OPHN1: variants seen among roughly 807,000 people sequenced by gnomAD.
OPHN1 encodes the protein oligophrenin-1.
OPHN1 carries 11 observed loss-of-function variants against 60.7 expected under a neutral mutation model. The ratio of observed to expected loss-of-function variants is 0.18; its 90% CI spans 0.11 to 0.30. The LOEUF (loss-of-function observed/expected upper bound fraction) is 0.30, where lower values mean the gene tolerates loss of function less well. Ranked by LOEUF, OPHN1 falls within the 10% of genes least tolerant of loss-of-function variation. The pLI, the probability that OPHN1 is intolerant of heterozygous loss-of-function variation, is 1.00. For synonymous variants in OPHN1, 226 were observed against 222.6 expected (o/e 1.02, Z -0.14); for missense variants, 449 against 611.0 (o/e 0.73, Z 2.80).
intron 3 of OPHN1, among the ~76,000 whole-genome samples, chrX:68,294,473 CAAAAAAAAAAAAAAAA>C (rs570989143): frequency 4.7e-4 from 5 of 10,644 alleles, no homozygotes; most frequent in Non-Finnish European, 1.1e-3. Flanking sequence ...GACTCTATCA[CAAAAAAAAAAAAAAAA>C]AAAAAAAAAA....
At chrX:68,064,508 T>A (rs1163804493) in intron 20 of OPHN1, among the ~76,000 whole-genome samples, 1 of 112,531 alleles carries the variant, frequency 8.9e-6, no homozygotes, top group Admixed American at 9.4e-5. Context: ...CATATTCTAT[T>A]CTTTGCAAAT....
chrX:68,287,236 GAGGGA>G (rs1162511676), intron 3 of OPHN1, among the ~76,000 whole-genome samples: 82 of 97,235 alleles, frequency 8.4e-4, no homozygotes, highest in African/African-American at 2.7e-3. Context: ...AAGAAGGAAG[GAGGGA>G]AGGGAAGGGA....
At chrX:68,130,656 T>C (rs2077190480) in intron 15 of OPHN1, among the ~76,000 whole-genome samples, 1 of 110,759 alleles carries the variant, frequency 9.0e-6, no homozygotes, top group Non-Finnish European at 1.9e-5. Context: ...CAAAACAATA[T>C]AGAGCCACCA....
chrX:68,084,978 T>C (rs2076989926), intron 19 of OPHN1, among the ~76,000 whole-genome samples: 1 of 112,589 alleles, frequency 8.9e-6, no homozygotes, highest in African/African-American at 3.2e-5. Context: ...TGCAACATCC[T>C]TCCCAAAGCT....
At chrX:68,106,091 GAGAGAGAGAGAGA>G (rs1350658200) in intron 18 of OPHN1, among the ~76,000 whole-genome samples, 2 of 90,968 alleles carry the variant, frequency 2.2e-5, no homozygotes, top group African/African-American at 9.5e-5. Flanking sequence ...GAAAAAGAGG[GAGAGAGAGAGAGA>G]AGAGAGAGAG....
chrX:68,075,797 A>C (rs1277451243), intron 19 of OPHN1, among the ~76,000 whole-genome samples: 2 of 109,109 alleles, frequency 1.8e-5, no homozygotes, highest in Non-Finnish European at 3.8e-5. Flanking sequence ...AAAAAAAAAA[A>C]AAAACTTCAA....
At chrX:68,119,923 C>T (rs866397175) in intron 15 of OPHN1, among the ~76,000 whole-genome samples, 17 of 111,155 alleles carry the variant, frequency 1.5e-4, no homozygotes, top group Non-Finnish European at 3.2e-4. Flanking sequence ...ATTCACAGAC[C>T]CTTCTCTTCT....
At chrX:68,158,491 G>A (rs1256887532) in intron 15 of OPHN1, among the ~76,000 whole-genome samples, 2 of 112,463 alleles carry the variant, frequency 1.8e-5, no homozygotes, top group Non-Finnish European at 3.8e-5. Context: ...GGAGCTCCCA[G>A]CAAAACAACC....
At chrX:68,266,438 A>G (rs1292849792) in intron 5 of OPHN1, among the ~76,000 whole-genome samples, 1 of 111,262 alleles carries the variant, frequency 9.0e-6, no homozygotes, top group African/African-American at 3.3e-5. Context: ...AAGCTTCATG[A>G]GTAAAGGAGA....
chrX:68,381,606 G>C (rs1260251158), intron 2 of OPHN1, among the ~76,000 whole-genome samples: 2 of 111,307 alleles, frequency 1.8e-5, no homozygotes, highest in African/African-American at 6.5e-5. Context: ...GGTTCACCTA[G>C]GTTCTGCTAC....
At chrX:68,117,717 G>A (rs935875762) in intron 16 of OPHN1, among the ~76,000 whole-genome samples, 2 of 111,750 alleles carry the variant, frequency 1.8e-5, no homozygotes, top group Admixed American at 1.9e-4. Context: ...AACAGAGTGT[G>A]GAGACCTGTC....
chrX:68,320,306 G>A (rs895057294), intron 2 of OPHN1, among the ~76,000 whole-genome samples: 3 of 111,232 alleles, frequency 2.7e-5, no homozygotes, highest in African/African-American at 6.5e-5. Flanking sequence ...CTGTGATCAC[G>A]CCACTGCACT....
In OPHN1 at chrX:68,045,696, A is replaced by C. The variant is rs1280225912; in HGVS notation, c.*1476T>G. 3 of 111,917 alleles carry C rather than the reference A, an allele frequency of 2.7e-5. No individual in the cohort carries two copies. The Admixed American group carries it at 2.8e-4, about 11-fold the overall frequency. 9.2% of individuals were successfully genotyped at this position (111,917 alleles called of 1,213,427 possible). A position where few individuals can be genotyped will look rare whatever the true frequency, so the allele number is the denominator to read the frequency against. ...ATTCCTCAGATTTCTGCCCCATTAC[A>C]CCAATTTTTAGGTCCTTTCCAATAA... On this transcript the variant is annotated 3_prime_UTR_variant, in exon 25 of 25. Transcript: ENST00000355520.
chrX:68,309,302 T>C (rs1370332508), intron 2 of OPHN1, among the ~76,000 whole-genome samples: 1 of 111,530 alleles, frequency 9.0e-6, no homozygotes, highest in African/African-American at 3.3e-5. Context: ...AATGAGTAAA[T>C]GAAGTAGCTA....
intron 2 of OPHN1, among the ~76,000 whole-genome samples, chrX:68,312,571 A>G (rs1342448500): frequency 9.0e-6 from 1 of 111,374 alleles, no homozygotes; most frequent in Non-Finnish European, 1.9e-5. Flanking sequence ...TTAAAAATGA[A>G]GAAATATCTT....
intron 15 of OPHN1, among the ~76,000 whole-genome samples, chrX:68,163,446 GTGTGTGTGTGTGTATA>G (rs1457738681): frequency 4.6e-5 from 4 of 87,662 alleles, no homozygotes; most frequent in African/African-American, 2.0e-4. Flanking sequence ...GTGTGTGTGT[GTGTGTGTGTGTGTATA>G]TATACCACAA....
intron 3 of OPHN1, among the ~76,000 whole-genome samples, chrX:68,296,833 T>C (rs1241643859): frequency 9.1e-6 from 1 of 110,023 alleles, no homozygotes; most frequent in Admixed American, 9.8e-5. Context: ...AAAGATGTCA[T>C]AATCAGCAGC....
At chrX:68,389,657 T>TATA (rs2078643475) in intron 2 of OPHN1, among the ~76,000 whole-genome samples, 1 of 88,561 alleles carries the variant, frequency 1.1e-5, no homozygotes, top group Non-Finnish European at 2.2e-5. Context: ...TGTGATTTAG[T>TATA]AAAAAAAAAA....
chrX:68,433,530 C>T, upstream of OPHN1: 1 of 289,129 alleles, frequency 3.5e-6, no homozygotes, highest in Middle Eastern at 9.1e-4. Flanking sequence ...ATTGCACTGT[C>T]CCCTCCCCTT....
Sources: allele counts gnomAD v4.1 joint callset (sites outside exome capture counted in the v4.1 genomes callset), GRCh38; gene constraint gnomAD v4.1.1; transcripts MANE v1.5; gene names NCBI Gene and HGNC (gene_info 2026-07-23, HGNC 2026-07-21).